Variants in CALN1 observed in about 807,000 individuals in gnomAD.
The protein encoded by CALN1 is calneuron 1.
CALN1 carries 17 observed loss-of-function variants against 30.6 expected under a neutral mutation model. The ratio of observed to expected loss-of-function variants is 0.56; its 90% CI spans 0.38 to 0.83. The LOEUF is 0.83. Among genes scored for constraint, CALN1 ranks in the 40% least tolerant of loss-of-function variants. The pLI is 0.00. For synonymous variants in CALN1, 156 were observed against 131.4 expected (o/e 1.19, Z -1.28); for missense variants, 291 against 354.9 (o/e 0.82, Z 1.45).
chr7:72,369,359 T>TTTTTATTG, intron 2 of CALN1, among the ~76,000 whole-genome samples: 1 of 146,714 alleles, frequency 6.8e-6, no homozygotes, highest in East Asian at 2.0e-4. Flanking sequence ...TATTTATTTT[T>TTTTTATTG]TTGTTGTTGT....
chr7:72,380,740 G>C (rs978332110), intron 2 of CALN1, among the ~76,000 whole-genome samples: 7 of 115,204 alleles, frequency 6.1e-5, no homozygotes, highest in African/African-American at 9.2e-5. Flanking sequence ...TACATAGATA[G>C]ATAGTGTTAA....
At chr7:71,825,195 G>A (rs12333869) in intron 5 of CALN1, among the ~76,000 whole-genome samples, 8,996 of 152,122 alleles carry the variant, frequency 0.059, 835 homozygotes, top group African/African-American at 0.2. Context: ...CCAGAGAGAC[G>A]TCTAGAGTCT....
intron 4 of CALN1, among the ~76,000 whole-genome samples, chr7:72,080,692 C>T (rs1283513127): frequency 6.6e-6 from 1 of 152,092 alleles, no homozygotes; most frequent in Admixed American, 6.6e-5. Context: ...GGGTGGGTTT[C>T]CACACAGACT....
intron 2 of CALN1, among the ~76,000 whole-genome samples, chr7:72,385,333 C>T (rs930863767): frequency 6.6e-6 from 1 of 152,094 alleles, no homozygotes; most frequent in South Asian, 2.1e-4. Context: ...TATGTCCACA[C>T]AAAAATCTAC....
intron 3 of CALN1, among the ~76,000 whole-genome samples, chr7:72,205,549 A>ATATATATATACATACATAT (rs1275919804): frequency 2.3e-4 from 14 of 59,920 alleles, no homozygotes; most frequent in African/African-American, 1.8e-3. Context: ...TTGCAAAAAA[A>ATATATATATACATACATAT]AAATATATAT....
intron 4 of CALN1, among the ~76,000 whole-genome samples, chr7:72,098,762 G>GGCACACACA (rs1806419176): frequency 8.7e-6 from 1 of 115,294 alleles, no homozygotes; most frequent in African/African-American, 3.4e-5. Context: ...CCCATTTGGC[G>GGCACACACA]CGCACACACA....
At chr7:71,936,937 C>T (rs1289142844) in intron 5 of CALN1, among the ~76,000 whole-genome samples, 6 of 152,024 alleles carry the variant, frequency 3.9e-5, no homozygotes, top group African/African-American at 1.5e-4. Flanking sequence ...CTCTTGCTGC[C>T]ACCATATAAG....
intron 3 of CALN1, among the ~76,000 whole-genome samples, chr7:72,161,822 G>A (rs1788134414): frequency 6.6e-6 from 1 of 151,910 alleles, no homozygotes; most frequent in African/African-American, 2.4e-5. Context: ...GATGGATGCT[G>A]GGCTTAATAT....
the CALN1 span, among the ~76,000 whole-genome samples, chr7:72,459,267 A>G: frequency 3.9e-5 from 6 of 152,324 alleles, no homozygotes; most frequent in South Asian, 1.0e-3. Context: ...GCGATTTTTC[A>G]ACCTCACACC....
At chr7:72,300,585 A>C (rs1291743107) in intron 2 of CALN1, among the ~76,000 whole-genome samples, 1 of 152,256 alleles carries the variant, frequency 6.6e-6, no homozygotes, top group Non-Finnish European at 1.5e-5. Flanking sequence ...TTCAACTGAG[A>C]AAAACGAACA....
intron 3 of CALN1, among the ~76,000 whole-genome samples, chr7:72,268,793 C>CCACACACACAAACACACACACACACA (rs56386718): frequency 6.9e-6 from 1 of 145,832 alleles, no homozygotes; most frequent in African/African-American, 2.6e-5. Flanking sequence ...CAAGACCCTG[C>CCACACACACAAACACACACACACACA]CACACACACA....
At chr7:72,032,338 G>A (rs747225754) in intron 4 of CALN1, among the ~76,000 whole-genome samples, 95 of 152,182 alleles carry the variant, frequency 6.2e-4, no homozygotes, top group Admixed American at 7.9e-4. Flanking sequence ...GAGCCACCGC[G>A]CCCAGCTACT....
chr7:71,973,332 C>T (rs1284954611), intron 5 of CALN1, among the ~76,000 whole-genome samples: 1 of 152,072 alleles, frequency 6.6e-6, no homozygotes, highest in Non-Finnish European at 1.5e-5. Context: ...CGCACCATCA[C>T]GCCGAGCTAA....
At chr7:72,030,747 ATT>A (rs760388648) in intron 4 of CALN1, among the ~76,000 whole-genome samples, 2 of 146,434 alleles carry the variant, frequency 1.4e-5, no homozygotes, top group African/African-American at 5.0e-5. Context: ...TACCCACACA[ATT>A]TTTTTTTTTT....
At chr7:72,354,730 A>G (rs1183443942) in intron 2 of CALN1, among the ~76,000 whole-genome samples, 2 of 152,200 alleles carry the variant, frequency 1.3e-5, no homozygotes, top group Non-Finnish European at 2.9e-5. Flanking sequence ...CTGCTGGAAT[A>G]ACTGGATATT....
chr7:72,022,594 A>G (rs1800765151), intron 5 of CALN1, among the ~76,000 whole-genome samples: 3 of 152,046 alleles, frequency 2.0e-5, no homozygotes, highest in African/African-American at 2.4e-5. Flanking sequence ...GGATCTCGCT[A>G]TGTTACCCAG....
chr7:72,205,551 A>AAAATATATACATATATATATATATAT lies in CALN1; in HGVS notation c.244+73134_244+73135insATATATATATATATATGTATATATTT. Among the ~76,000 whole-genome samples, 47 of 83,024 alleles carry AAAATATATACATATATATATATATAT rather than the reference A, an allele frequency of 5.7e-4. 1 individual carries two copies. The highest frequency in any genetic ancestry group is 3.3e-3 in the African/African-American group (44 of 13,430). The allele number at this position is 83,024 out of a possible 152,430, so 54.5% of individuals were successfully genotyped here. ...ATTTTTCTCCTGATTGCAAAAAAAA[A>AAAATATATACATATATATATATATAT]ATATATATATATATATGTATATATA... On this transcript the variant is annotated intron_variant, in intron 3 of 6. Transcript: ENST00000395275.
At chr7:72,251,946 T>G (rs993825212) in intron 3 of CALN1, among the ~76,000 whole-genome samples, 1 of 152,194 alleles carries the variant, frequency 6.6e-6, no homozygotes, top group African/African-American at 2.4e-5. Context: ...ATTTTAAAAA[T>G]ATAGATTAAG....
intron 2 of CALN1, among the ~76,000 whole-genome samples, chr7:72,331,588 G>A (rs1801681636): frequency 6.6e-6 from 1 of 152,218 alleles, no homozygotes; most frequent in Admixed American, 6.5e-5. Flanking sequence ...AAGAATTCAA[G>A]GGCAAGCCAG....
Sources: allele counts gnomAD v4.1 joint callset (sites outside exome capture counted in the v4.1 genomes callset), GRCh38; gene constraint gnomAD v4.1.1; transcripts MANE v1.5; gene names NCBI Gene and HGNC (gene_info 2026-07-23, HGNC 2026-07-21).